The following BIRC6 variants were observed in gnomAD, a reference collection of about 807,000 sequenced individuals.
BIRC6 encodes the protein dual E2 ubiquitin-conjugating enzyme/E3 ubiquitin-protein ligase BIRC6.
BIRC6 carries 98 observed loss-of-function variants against 503.3 expected under a neutral mutation model. That is an observed-to-expected ratio of 0.19 (90% CI 0.17 to 0.23). The LOEUF is 0.23. Among genes scored for constraint, BIRC6 ranks in the 10% least tolerant of loss-of-function variants. The probability of loss-of-function intolerance (pLI) is 1.00; values close to 1 mark genes in which losing one functional copy is unlikely to be tolerated. For missense variants in BIRC6, 5,360 were observed against 5,806.0 expected, an observed-to-expected ratio of 0.92 and a Z score of 2.50; for synonymous variants, 2,240 against 2,078.7, an observed-to-expected ratio of 1.08 and a Z score of -2.11.
Position 32,510,305 on chromosome 2 carries a change from C to T in BIRC6, c.10238-221C>T, listed in dbSNP as rs549380697. Among the ~76,000 whole-genome samples, 24 of 152,190 alleles carry T rather than the reference C, an allele frequency of 1.6e-4. 1 individual carries two copies. The highest frequency in any genetic ancestry group is 3.3e-4 in the Admixed American group (5 of 15,280). On this transcript the variant is annotated intron_variant, in intron 52 of 73. Transcript: ENST00000421745. ...TATTGATCAGGCTGGTTTTGAACTC[C>T]TGACCTCAGGTGATCCACCCACCTT... is the stretch of plus-strand genomic sequence containing the variant.
At chr2:32,436,251 C>G (rs2044684082) in intron 15 of BIRC6, 67 bp downstream of exon 15, 5 of 1,247,108 alleles carry the variant, frequency 4.0e-6, no homozygotes, top group Non-Finnish European at 5.2e-6. Flanking sequence ...CGAAAAAAAA[C>G]TGATCTCAAA....
intron 8 of BIRC6, among the ~76,000 whole-genome samples, chr2:32,405,277 A>C (rs1021129734): frequency 1.3e-5 from 2 of 152,230 alleles, no homozygotes; most frequent in Non-Finnish European, 2.9e-5. Context: ...CAATTAGGCT[A>C]ATGAATTAGC....
intron 38 of BIRC6, 115 bp from the exon 39 acceptor site, chr2:32,482,314 A>G (rs2050497862): frequency 1.9e-6 from 2 of 1,039,978 alleles, no homozygotes; most frequent in Non-Finnish European, 2.7e-6. Flanking sequence ...TGGGAAATTT[A>G]AAGGGTGGAT....
At chr2:32,508,519 G>T (rs989007863) in intron 51 of BIRC6, among the ~76,000 whole-genome samples, 1 of 151,782 alleles carries the variant, frequency 6.6e-6, no homozygotes, top group Non-Finnish European at 1.5e-5. Flanking sequence ...GGTGTACATT[G>T]TAATTTTCTG....
chr2:32,491,279 A>G lies in BIRC6; in HGVS notation c.8207-146A>G, dbSNP rs552453951. 42 of 771,494 alleles carry G rather than the reference A, an allele frequency of 5.4e-5. No individual in the cohort carries two copies. The African/African-American group carries it at 6.2e-4, about 11-fold the overall frequency. 47.8% of individuals were successfully genotyped at this position (771,494 alleles called of 1,614,324 possible). ...TAGAGAGGGAAGTCCTGCTTAGTCA[A>G]TATAGTAGAAACTGAAACCCCTTTA... On this transcript the variant is annotated intron_variant, in intron 43 of 73. Transcript: ENST00000421745.
rs772708909 is a variant in BIRC6, at chr2:32,377,616, GTA to G, written c.358_359del (p.Ile120LeufsTer5). ...AKPGGQVKCQ[Y>X]ISAVDKVIFV... ...AACCAGGTGGACAGGTGAAATGTCAGTATATCTCTGCTGTGGATAAAGTTATA... is the reference window on the plus strand; with the variant it reads ...AACCAGGTGGACAGGTGAAATGTCAGTATCTCTGCTGTGGATAAAGTTATA... On this transcript the variant is annotated frameshift_variant, in exon 2 of 74. Transcript: ENST00000421745. LOFTEE classifies it high-confidence loss of function. 1 of 1,611,488 alleles carries G rather than the reference GTA, an allele frequency of 6.2e-7. No homozygotes were observed. Among genetic ancestry groups the G allele is most frequent in the Non-Finnish European group, 8.5e-7 (1 of 1,179,134 alleles).
intron 65 of BIRC6, among the ~76,000 whole-genome samples, chr2:32,559,273 G>A (rs1000935914): frequency 6.6e-6 from 1 of 152,196 alleles, no homozygotes; most frequent in Non-Finnish European, 1.5e-5. Context: ...GACTTCACTT[G>A]CCTGGTTGTA....
At chr2:32,532,005 A>G (rs916323583) in intron 61 of BIRC6, 11 of 442,876 alleles carry the variant, frequency 2.5e-5, no homozygotes, top group Non-Finnish European at 4.9e-5. Flanking sequence ...TCATTTACGA[A>G]GCTGTCAATG....
In BIRC6 at chr2:32,466,633, T is replaced by C. The variant is rs116572617; in HGVS notation, c.5357-892T>C. ...CTAGTTGTGAAATTAAGAAAAAAAGTTGCCAATGGCTGAAAGAAGAGCAGA... is the reference window on the plus strand; with the variant it reads ...CTAGTTGTGAAATTAAGAAAAAAAGCTGCCAATGGCTGAAAGAAGAGCAGA... On this transcript the variant is annotated intron_variant, in intron 26 of 73. Transcript: ENST00000421745. Among the ~76,000 whole-genome samples, 311 of 152,354 alleles carry C rather than the reference T, an allele frequency of 2.0e-3. 1 individual carries two copies. The highest frequency in any genetic ancestry group is 6.8e-3 in the African/African-American group (282 of 41,586).
intron 65 of BIRC6, among the ~76,000 whole-genome samples, chr2:32,569,545 T>C (rs2059780565): frequency 6.6e-6 from 1 of 152,066 alleles, no homozygotes; most frequent in Non-Finnish European, 1.5e-5. Context: ...ATTTCCTTTT[T>C]GGTTTTTGTA....
At chr2:32,521,700 G>A (rs1478126332) in intron 57 of BIRC6, among the ~76,000 whole-genome samples, 1 of 149,658 alleles carries the variant, frequency 6.7e-6, no homozygotes, top group Non-Finnish European at 1.5e-5. Context: ...TGCTGATGTC[G>A]AACTCCTGAC....
At chr2:32,494,704 G>A (rs926989613) in intron 45 of BIRC6, among the ~76,000 whole-genome samples, 1 of 151,862 alleles carries the variant, frequency 6.6e-6, no homozygotes, top group African/African-American at 2.4e-5. Flanking sequence ...GAGTTTGAGA[G>A]TAGCCTGGGT....
intron 47 of BIRC6, among the ~76,000 whole-genome samples, 181 bp from the exon 48 acceptor site, chr2:32,502,614 C>T (rs934243213): frequency 3.9e-5 from 6 of 152,038 alleles, no homozygotes; most frequent in Non-Finnish European, 7.4e-5. Flanking sequence ...TCTCTGAGTT[C>T]AGGGAGATGG....
intron 59 of BIRC6, chr2:32,527,647 C>T (rs1178473739): frequency 6.6e-6 from 1 of 152,362 alleles, no homozygotes; most frequent in Non-Finnish European, 1.5e-5. Flanking sequence ...GTGTGTGTGA[C>T]TTTGAAGGAT....
intron 65 of BIRC6, among the ~76,000 whole-genome samples, chr2:32,558,299 A>C (rs528461255): frequency 6.7e-6 from 1 of 149,306 alleles, no homozygotes; most frequent in African/African-American, 2.4e-5. Flanking sequence ...GATGTATTTA[A>C]TGTGAACTGC....
chr2:32,532,246 G>A (rs767831690), intron 61 of BIRC6: 2 of 525,000 alleles, frequency 3.8e-6, no homozygotes. Flanking sequence ...CAAACGGGCT[G>A]GCTTAAAACA....
intron 6 of BIRC6, among the ~76,000 whole-genome samples, chr2:32,398,637 ATT>A (rs1558620345): frequency 6.6e-6 from 1 of 152,240 alleles, no homozygotes; most frequent in Non-Finnish European, 1.5e-5. Flanking sequence ...TATCACTTAA[ATT>A]TATAATGGTG....
chr2:32,460,153 T>C (rs1242841238), intron 23 of BIRC6, among the ~76,000 whole-genome samples: 1 of 144,228 alleles, frequency 6.9e-6, no homozygotes, highest in Non-Finnish European at 1.5e-5. Flanking sequence ...TTATATTATA[T>C]ATATGATATA....
At chr2:32,579,013 AAT>A (rs59498639) in intron 66 of BIRC6, among the ~76,000 whole-genome samples, 23 of 45,276 alleles carry the variant, frequency 5.1e-4, no homozygotes, top group Middle Eastern at 0.012. Context: ...ATATATACCT[AAT>A]ATATATATAC....
Sources: allele counts gnomAD v4.1 joint callset (sites outside exome capture counted in the v4.1 genomes callset), GRCh38; gene constraint gnomAD v4.1.1; transcripts MANE v1.5; gene names NCBI Gene and HGNC (gene_info 2026-07-23, HGNC 2026-07-21).